Variants in ADGRL4 observed in about 807,000 individuals in gnomAD.
ADGRL4 encodes adhesion G protein-coupled receptor L4.
ADGRL4 carries 90 observed loss-of-function variants against 74.8 expected under a neutral mutation model. That is an observed-to-expected ratio of 1.20 (90% CI 1.02 to 1.43). The LOEUF (loss-of-function observed/expected upper bound fraction) is 1.43. Ranked by LOEUF, ADGRL4 falls within the 40% of genes most tolerant of loss-of-function variation. The pLI is 0.00. For missense variants in ADGRL4, 881 were observed against 814.3 expected, an observed-to-expected ratio of 1.08 and a Z score of -1.00; for synonymous variants, 311 against 279.2, an observed-to-expected ratio of 1.11 and a Z score of -1.14.
intron 2 of ADGRL4, 34 bp from the exon 3 acceptor site, chr1:78,946,460 T>C (rs1426771039): frequency 2.0e-6 from 3 of 1,527,460 alleles, no homozygotes; most frequent in Non-Finnish European, 2.7e-6. Context: ...ATTATTTTTA[T>C]ATAATTGACA....
Position 78,891,092 on chromosome 1 carries a change from G to C in ADGRL4, c.*62C>G. The C allele has an allele frequency of 2.0e-6, 3 of 1,472,944 alleles. No homozygotes were observed. Among genetic ancestry groups the C allele is most frequent in the Non-Finnish European group, 2.8e-6 (3 of 1,052,906 alleles). 91.2% of individuals were successfully genotyped at this position (1,472,944 alleles called of 1,614,324 possible). ...ATTTGATGAGTCATTTTTATACATT[G>C]GTCATCCACAGCTTGGAATTTTTAT... On this transcript the variant is annotated 3_prime_UTR_variant, in exon 15 of 15. Transcript: ENST00000370742.
intron 2 of ADGRL4, among the ~76,000 whole-genome samples, chr1:78,990,343 C>T (rs1434794737): frequency 2.0e-5 from 3 of 151,778 alleles, no homozygotes; most frequent in Non-Finnish European, 4.4e-5. Context: ...ATTATTAAGG[C>T]ATTACTAGTA....
intron 4 of ADGRL4, 132 bp downstream of exon 4, chr1:78,939,056 C>A: frequency 8.4e-7 from 1 of 1,186,706 alleles, no homozygotes; most frequent in Non-Finnish European, 1.1e-6. Flanking sequence ...GCTTAGATCT[C>A]TATATGTAAA....
intron 2 of ADGRL4, among the ~76,000 whole-genome samples, chr1:78,970,775 T>C (rs1193107758): frequency 6.6e-6 from 1 of 152,154 alleles, no homozygotes; most frequent in African/African-American, 2.4e-5. Flanking sequence ...TCTTCACAGA[T>C]AGGCAATTGT....
chr1:78,891,415 G>T, intron 14 of ADGRL4, 109 bp downstream of exon 14: 1 of 1,288,362 alleles, frequency 7.8e-7, no homozygotes, highest in Non-Finnish European at 1.1e-6. Flanking sequence ...AGGCGATTTA[G>T]GCAATAAAGG....
At chr1:78,960,553 T>C (rs966172937) in intron 2 of ADGRL4, among the ~76,000 whole-genome samples, 9 of 152,138 alleles carry the variant, frequency 5.9e-5, no homozygotes, top group Non-Finnish European at 1.2e-4. Context: ...TACGAGGAAA[T>C]TGGATATATT....
At chr1:78,952,972 T>C (rs1038046881) in intron 2 of ADGRL4, among the ~76,000 whole-genome samples, 2 of 152,186 alleles carry the variant, frequency 1.3e-5, no homozygotes, top group Middle Eastern at 3.2e-3. Flanking sequence ...ACTTATTTTC[T>C]GAGGGAAATG....
intron 2 of ADGRL4, among the ~76,000 whole-genome samples, chr1:78,996,282 C>G (rs185986298): frequency 6.6e-6 from 1 of 152,140 alleles, no homozygotes; most frequent in Non-Finnish European, 1.5e-5. Context: ...TCTCTTCTCA[C>G]GATTTGAGTA....
At chr1:78,915,030 T>A (rs191119448) in intron 12 of ADGRL4, among the ~76,000 whole-genome samples, 1 of 151,996 alleles carries the variant, frequency 6.6e-6, no homozygotes, top group African/African-American at 2.4e-5. Context: ...AATATCCATA[T>A]CTCCATTCAA....
At position 78,889,821 on chromosome 1, in the gene ADGRL4, G is replaced by A; in HGVS notation, c.*1333C>T. On this transcript the variant is annotated 3_prime_UTR_variant, in exon 15 of 15. Coordinates refer to ENST00000370742, the MANE Select transcript of ADGRL4 (RefSeq NM_022159.4). The stretch of plus-strand genomic sequence containing the variant: ...AGATTTGGCAGACTTCATTTCAACA[G>A]CTGGAGGAATTAATTTAAAATCACA... The A allele has an allele frequency of 2.2e-6, 1 of 462,296 alleles. No individual in the cohort carries two copies. The highest frequency in any genetic ancestry group is 1.6e-5 in the South Asian group (1 of 62,988). The allele number at this position is 462,296 out of a possible 1,614,324, so 28.6% of individuals were successfully genotyped here. A position where few individuals can be genotyped will look rare whatever the true frequency, so the allele number is the denominator to read the frequency against.
intron 4 of ADGRL4, among the ~76,000 whole-genome samples, chr1:78,938,579 T>C (rs531784730): frequency 4.0e-4 from 61 of 152,218 alleles, no homozygotes; most frequent in African/African-American, 1.4e-3. Context: ...TATAGAATTA[T>C]ATCCTAGCCA....
chr1:78,901,726 T>C (rs1022172054), intron 12 of ADGRL4, among the ~76,000 whole-genome samples: 3 of 152,170 alleles, frequency 2.0e-5, no homozygotes, highest in African/African-American at 7.2e-5. Flanking sequence ...GTCAGATTTG[T>C]AGAAAAGACA....
In ADGRL4 at chr1:78,926,734, A is replaced by G. The variant is rs554705324; in HGVS notation, c.1083+152T>C. 3.2e-5 allele frequency: 18 copies of G among 569,384 alleles called. No homozygotes were observed. The Admixed American group carries it at 6.0e-4, about 19-fold the overall frequency. The allele number at this position is 569,384 out of a possible 1,614,324, so 35.3% of individuals were successfully genotyped here. ...AGCTGTGAAACTACAAGAATATTTT[A>G]TACAAAAATTAGTTAAAACTACTTC... On this transcript the variant is annotated intron_variant, in intron 8 of 14. Transcript: ENST00000370742.
At chr1:78,957,347 A>G (rs1649857200) in intron 2 of ADGRL4, among the ~76,000 whole-genome samples, 3 of 152,214 alleles carry the variant, frequency 2.0e-5, no homozygotes, top group Admixed American at 2.0e-4. Flanking sequence ...TCAAAAGCTG[A>G]GACAGCCCAA....
chr1:78,938,038 T>C (rs777941886), intron 5 of ADGRL4, 48 bp from the exon 6 acceptor site: 4 of 1,603,448 alleles, frequency 2.5e-6, no homozygotes, highest in Non-Finnish European at 3.4e-6. Context: ...TCCTACACTA[T>C]TCACAAATGA....
At chr1:78,955,766 T>C (rs1338818186) in intron 2 of ADGRL4, among the ~76,000 whole-genome samples, 3 of 152,118 alleles carry the variant, frequency 2.0e-5, no homozygotes, top group Non-Finnish European at 4.4e-5. Context: ...CTCTCTTATG[T>C]TGATGAGTTT....
rs371284509 is a variant in ADGRL4, at chr1:78,891,138, C to G, written c.*16G>C. 1.2e-6 allele frequency: 2 copies of G among 1,610,306 alleles called. No individual in the cohort carries two copies. The highest frequency in any genetic ancestry group is 3.3e-5 in the Admixed American group (2 of 59,836). ...TTTATTTTTGTGCAGTTGTAATTAT[C>G]CACCATTCTCTATGTTTACCTTAAA... On this transcript the variant is annotated 3_prime_UTR_variant, in exon 15 of 15. Transcript: ENST00000370742.
chr1:78,958,323 A>G (rs1443939386), intron 2 of ADGRL4, among the ~76,000 whole-genome samples: 1 of 152,162 alleles, frequency 6.6e-6, no homozygotes, highest in East Asian at 1.9e-4. Flanking sequence ...GATGCCATAG[A>G]TAATGATTCC....
chr1:78,988,286 C>T (rs1002915099), intron 2 of ADGRL4, among the ~76,000 whole-genome samples: 3 of 151,620 alleles, frequency 2.0e-5, no homozygotes, highest in Non-Finnish European at 4.4e-5. Flanking sequence ...ATTAGTAGAG[C>T]CAGGCAGGAG....
Sources: allele counts gnomAD v4.1 joint callset (sites outside exome capture counted in the v4.1 genomes callset), GRCh38; gene constraint gnomAD v4.1.1; transcripts MANE v1.5; gene names NCBI Gene and HGNC (gene_info 2026-07-23, HGNC 2026-07-21).